The following FCSK variants were observed in gnomAD, a reference collection of about 807,000 sequenced individuals.
FCSK encodes L-fucose kinase.
FCSK carries 123 observed loss-of-function variants against 122.5 expected under a neutral mutation model. The ratio of observed to expected loss-of-function variants is 1.00; its 90% CI spans 0.87 to 1.17. FCSK has a LOEUF of 1.17. Ranked by LOEUF, FCSK falls within the 50% of genes most tolerant of loss-of-function variation. FCSK has a pLI of 0.00. For missense variants in FCSK, 1,366 were observed against 1,450.4 expected, an observed-to-expected ratio of 0.94 and a Z score of 0.95; for synonymous variants, 620 against 625.5, an observed-to-expected ratio of 0.99 and a Z score of 0.13.
chr16:70,473,328 G>GC lies in FCSK; in HGVS notation c.1756dup (p.Leu586ProfsTer48). ...CTGCTGTCCGCGAGGGCTGCCCCGG[G>GC]CCCCTGCTGGCCACGCTGGACCAGG... On this transcript the variant is annotated frameshift_variant, in exon 15 of 24. Coordinates refer to ENST00000288078, the MANE Select transcript of FCSK (RefSeq NM_145059.3). LOFTEE classifies it high-confidence loss of function. This position sits in a 1 kb window ranked among gnomAD's most constrained non-coding sequence, Gnocchi z 4.9. 1 of 1,510,244 alleles carries GC rather than the reference G, an allele frequency of 6.6e-7. No homozygotes were observed. The allele number at this position is 1,510,244 out of a possible 1,614,324, so 93.6% of individuals were successfully genotyped here. A position where few individuals can be genotyped will look rare whatever the true frequency, so the allele number is the denominator to read the frequency against.
rs779595508 is a variant in FCSK, at chr16:70,470,401, C to A, written c.1043C>A (p.Ala348Asp). ...CTCACACTCCCCGGGGCTCCTGGGG[C>A]CCAGATTGTGCACTCCCAGGTGGAG... ...LSLTLPGAPG[A>D]QIVHSQVEEQ... The change falls in exon 11 of 24, where the codon GCC becomes GAC. Residue 348 changes from alanine (A) to aspartate (D), a missense_variant. Ala to Asp is a moderately radical substitution (Grantham distance 126, BLOSUM62 -2). Transcript: ENST00000288078. 1 of 1,612,344 alleles carries A rather than the reference C, an allele frequency of 6.2e-7. No homozygotes were observed.
Position 70,469,455 on chromosome 16 carries a change from G to T in FCSK, c.955+132G>T, listed in dbSNP as rs2048539585. The stretch of plus-strand genomic sequence containing the variant: ...TGGGCAGTTCTCCTGTCCTGTGCCA[G>T]AGCCCCCCACTGAGCTACCTCCTTC... On this transcript the variant is annotated intron_variant, in intron 10 of 23. Transcript: ENST00000288078. 1.4e-5 allele frequency: 11 copies of T among 796,604 alleles called. No individual in the cohort carries two copies. In the South Asian group the frequency reaches 2.1e-4, roughly 15 times the overall value. 49.3% of individuals were successfully genotyped at this position (796,604 alleles called of 1,614,324 possible). A position where few individuals can be genotyped will look rare whatever the true frequency, so the allele number is the denominator to read the frequency against.
intron 5 of FCSK, 28 bp from the exon 6 acceptor site, chr16:70,466,854 G>C: frequency 6.2e-7 from 1 of 1,606,282 alleles, no homozygotes; most frequent in South Asian, 1.1e-5. Flanking sequence ...CCAGGCACCA[G>C]CTGTGTTCTG....
intron 1 of FCSK, among the ~76,000 whole-genome samples, chr16:70,455,655 G>A (rs2048071407): frequency 6.6e-6 from 1 of 152,072 alleles, no homozygotes; most frequent in Non-Finnish European, 1.5e-5. Context: ...ACTGTGGGAG[G>A]CGGAAGCAGG....
At position 70,474,211 on chromosome 16, in the gene FCSK, C is replaced by T; in HGVS notation, c.1860C>T (p.Gly620=). The change falls in exon 16 of 24, where the codon GGC becomes GGT. Residue 620 remains glycine (G), a synonymous_variant. Coordinates refer to ENST00000288078, the MANE Select transcript of FCSK (RefSeq NM_145059.3). ...ACGTCCTGGGCTGCATGGCAGAGGG[C>T]CGTGGGGGCTTGCGGAGCGGGCCAG... is the stretch of plus-strand genomic sequence containing the variant. The part of the protein sequence containing the change: ...VADVLGCMAE[G]RGGLRSGPAA... 1 of 1,588,976 alleles carries T rather than the reference C, an allele frequency of 6.3e-7. No homozygotes were observed. Among genetic ancestry groups the T allele is most frequent in the South Asian group, 1.1e-5 (1 of 87,722 alleles).
chr16:70,465,260 C>T, intron 4 of FCSK, 84 bp downstream of exon 4: 3 of 1,316,716 alleles, frequency 2.3e-6, no homozygotes, highest in Admixed American at 2.1e-5. Flanking sequence ...GGTGTTCTGC[C>T]ACTGTGTGTG....
In FCSK at chr16:70,474,962, G is replaced by A; in HGVS notation, c.2328G>A (p.Val776=). The A allele has an allele frequency of 6.2e-7, 1 of 1,611,196 alleles. No individual in the cohort carries two copies. Among genetic ancestry groups the A allele is most frequent in the Non-Finnish European group, 8.5e-7 (1 of 1,179,158 alleles). ...AGGATGAGATGACTGTGAAGATAGT[G>A]TGCCGGTGCCTGGCTGACCTGCGGG... The part of the protein sequence containing the change: ...PRQDEMTVKI[V]CRCLADLRDY... The change falls in exon 18 of 24, where the codon GTG becomes GTA. Residue 776 remains valine (V), a synonymous_variant. Coordinates refer to ENST00000288078, the MANE Select transcript of FCSK (RefSeq NM_145059.3).
chr16:70,470,441 C>A lies in FCSK; in HGVS notation c.1068+15C>A. Reference sequence around the variant, plus strand: ...CCCAGGTGGAGGTGAGACCTCCCTGCCCCTCCGGTGCCTGCTGGTTGTCTG... The same window carrying A: ...CCCAGGTGGAGGTGAGACCTCCCTGACCCTCCGGTGCCTGCTGGTTGTCTG... On this transcript the variant is annotated intron_variant, in intron 11 of 23. Coordinates refer to ENST00000288078, the MANE Select transcript of FCSK (RefSeq NM_145059.3). 6.7e-7 allele frequency: 1 copy of A among 1,490,942 alleles called. No homozygotes were observed. The highest frequency in any genetic ancestry group is 9.3e-7 in the Non-Finnish European group (1 of 1,072,822). The allele number at this position is 1,490,942 out of a possible 1,614,324, so 92.4% of individuals were successfully genotyped here. A position where few individuals can be genotyped will look rare whatever the true frequency, so the allele number is the denominator to read the frequency against.
chr16:70,473,369 G>C lies in FCSK; in HGVS notation c.1777+16G>C. The C allele has an allele frequency of 4.1e-6, 6 of 1,476,344 alleles. No individual in the cohort carries two copies. Among genetic ancestry groups the C allele is most frequent in the Non-Finnish European group, 5.4e-6 (6 of 1,108,272 alleles). 91.5% of individuals were successfully genotyped at this position (1,476,344 alleles called of 1,614,324 possible). ...CTGGACCAGGGTGAGTGTGCAGGCT[G>C]GTAGTGCTGCAGAATCAGGCCAGGG... On this transcript the variant is annotated intron_variant, in intron 15 of 23. Transcript: ENST00000288078. This position sits in a 1 kb window ranked among gnomAD's most constrained non-coding sequence, Gnocchi z 4.9.
At chr16:70,465,018 T>C in intron 3 of FCSK, 108 bp from the exon 4 acceptor site, 2 of 1,561,642 alleles carry the variant, frequency 1.3e-6, no homozygotes, top group Non-Finnish European at 1.7e-6. Flanking sequence ...TTTTGTCCCT[T>C]GGGTACCTGA....
intron 14 of FCSK, 53 bp downstream of exon 14, chr16:70,472,658 C>T (rs2048664667): frequency 7.0e-7 from 1 of 1,427,394 alleles, no homozygotes; most frequent in Non-Finnish European, 9.7e-7. Context: ...GGGGTGGCTG[C>T]TGCTCTTTGA....
Position 70,473,095 on chromosome 16 carries a change from T to G in FCSK, c.1519T>G (p.Trp507Gly), listed in dbSNP as rs766908433. The G allele has an allele frequency of 1.8e-5, 29 of 1,588,318 alleles. No individual in the cohort carries two copies. The African/African-American group carries it at 2.8e-4, about 15-fold the overall frequency. ...SRELGPQDLL[W>G]MLDHQEDGGE... ...GGAGCTGGGACCCCAGGACCTGCTG[T>G]GGATGCTGGACCACCAGGAGGATGG... The change falls in exon 15 of 24, where the codon TGG becomes GGG. Residue 507 changes from tryptophan (W) to glycine (G), a missense_variant. Transcript: ENST00000288078. The surrounding 1 kb of genome is among the most constrained non-coding windows in gnomAD (Gnocchi z 4.9).
intron 1 of FCSK, among the ~76,000 whole-genome samples, chr16:70,459,522 A>G (rs1049844494): frequency 6.6e-6 from 1 of 152,180 alleles, no homozygotes; most frequent in East Asian, 1.9e-4. Flanking sequence ...TGGGGGATAC[A>G]GTAAGACTCC....
At chr16:70,460,530 G>A (rs531454890) in intron 1 of FCSK, among the ~76,000 whole-genome samples, 57 of 151,982 alleles carry the variant, frequency 3.8e-4, no homozygotes, top group African/African-American at 1.3e-3. Flanking sequence ...TCAGCCTCCT[G>A]AGTAGCTGGG....
At chr16:70,456,599 G>A (rs2048099811) in intron 1 of FCSK, among the ~76,000 whole-genome samples, 1 of 152,196 alleles carries the variant, frequency 6.6e-6, no homozygotes, top group Admixed American at 6.5e-5. Flanking sequence ...TGCCTGGCTG[G>A]AAGGATTATC....
At chr16:70,467,016 T>G in intron 6 of FCSK, 62 bp downstream of exon 6, 6 of 1,455,172 alleles carry the variant, frequency 4.1e-6, no homozygotes, top group Admixed American at 1.7e-5. Context: ...AAGCCAGCTC[T>G]GCCCTTCTTG....
chr16:70,458,240 A>C (rs2048153280), intron 1 of FCSK, among the ~76,000 whole-genome samples: 1 of 151,162 alleles, frequency 6.6e-6, no homozygotes, highest in African/African-American at 2.4e-5. Flanking sequence ...GCTCACTGCA[A>C]CCACCGCTTC....
intron 7 of FCSK, 104 bp from the exon 8 acceptor site, chr16:70,467,782 C>A: frequency 1.0e-6 from 1 of 974,330 alleles, no homozygotes; most frequent in Non-Finnish European, 1.6e-6. Context: ...GCCTTGCGTC[C>A]TCAGCTTTCC....
At position 70,478,434 on chromosome 16, in the gene FCSK, C is replaced by T. The variant is rs762300882; in HGVS notation, c.2804C>T (p.Thr935Ile). 1 of 1,614,112 alleles carries T rather than the reference C, an allele frequency of 6.2e-7. No homozygotes were observed. Residue 935 changes from threonine (T) to isoleucine (I), a missense_variant, in exon 21 of 24, where the codon ACC becomes ATC. Coordinates refer to ENST00000288078, the MANE Select transcript of FCSK (RefSeq NM_145059.3). Reference protein sequence around the residue: ...DHLLLVYTGKTRLARNLLQDV... With the variant: ...DHLLLVYTGKIRLARNLLQDV... ...CTGCTCTTGGTGTACACTGGCAAGA[C>T]CCGCCTGGCTCGGAACCTGCTGCAG...
Sources: allele counts gnomAD v4.1 joint callset (sites outside exome capture counted in the v4.1 genomes callset), GRCh38; gene constraint gnomAD v4.1.1; non-coding constraint Gnocchi (gnomAD v3.1); transcripts MANE v1.5; gene names NCBI Gene and HGNC (gene_info 2026-07-23, HGNC 2026-07-21).